The following CDH13 variants were observed in gnomAD, a reference collection of about 807,000 sequenced individuals.
CDH13 encodes the protein cadherin 13, also known as cadherin-13.
A neutral mutation model predicts 63.8 loss-of-function variants in CDH13; 24 were observed. That is an observed-to-expected ratio of 0.38 (90% CI 0.27 to 0.53). CDH13 has a LOEUF of 0.53. Ranked by LOEUF, CDH13 falls within the 20% of genes least tolerant of loss-of-function variation. CDH13 has a pLI of 0.85. For missense variants in CDH13, 1,049 were observed against 903.1 expected (o/e 1.16, Z -2.07); for synonymous variants, 503 against 355.3 (o/e 1.42, Z -4.67).
Position 83,794,963 on chromosome 16 carries a change from T to G in CDH13, c.2135-60T>G, listed in dbSNP as rs923018177. 4 of 1,522,740 alleles carry G rather than the reference T, an allele frequency of 2.6e-6. No individual in the cohort carries two copies. The East Asian group carries it at 7.0e-5, about 27-fold the overall frequency. 94.3% of individuals were successfully genotyped at this position (1,522,740 alleles called of 1,614,324 possible). On this transcript the variant is annotated intron_variant, in intron 13 of 13. Transcript: ENST00000567109. Reference sequence around the variant, plus strand: ...GCCTGTCATTTTTCTGGCTTTTAGCTAAAATGTTTTGAATTGAGTGGTGAT... The same window carrying G: ...GCCTGTCATTTTTCTGGCTTTTAGCGAAAATGTTTTGAATTGAGTGGTGAT...
chr16:82,997,167 A>T (rs1310363914), intron 2 of CDH13, among the ~76,000 whole-genome samples: 1 of 151,678 alleles, frequency 6.6e-6, no homozygotes, highest in East Asian at 1.9e-4. Context: ...GATGATAGTG[A>T]TGGTGATGAT....
chr16:82,886,702 C>G (rs1362111383), intron 2 of CDH13, among the ~76,000 whole-genome samples: 2 of 151,998 alleles, frequency 1.3e-5, no homozygotes, highest in Non-Finnish European at 2.9e-5. Flanking sequence ...TGTTCTAAGC[C>G]TTTTTCTGTG....
intron 2 of CDH13, among the ~76,000 whole-genome samples, chr16:82,882,259 C>G (rs1359620602): frequency 6.6e-6 from 1 of 152,124 alleles, no homozygotes; most frequent in Non-Finnish European, 1.5e-5. Context: ...TAGAGTGTTA[C>G]TAGGCAGGGT....
intron 8 of CDH13, among the ~76,000 whole-genome samples, chr16:83,605,708 T>C (rs1404017325): frequency 3.3e-5 from 5 of 152,270 alleles, no homozygotes; most frequent in Admixed American, 1.3e-4. Context: ...AAGATTGTGA[T>C]GAGAAAGATA....
intron 7 of CDH13, among the ~76,000 whole-genome samples, chr16:83,515,271 T>C (rs1367050527): frequency 6.6e-6 from 1 of 152,214 alleles, no homozygotes; most frequent in Non-Finnish European, 1.5e-5. Flanking sequence ...TTGATTAGAA[T>C]TCTAGAAGCT....
intron 6 of CDH13, among the ~76,000 whole-genome samples, chr16:83,350,647 T>G (rs1597808141): frequency 6.6e-6 from 1 of 152,180 alleles, no homozygotes; most frequent in Admixed American, 6.5e-5. Context: ...ACCTGGCAGG[T>G]GCTGCTTGTT....
At chr16:83,237,440 T>C (rs1473652723) in intron 5 of CDH13, among the ~76,000 whole-genome samples, 1 of 152,240 alleles carries the variant, frequency 6.6e-6, no homozygotes, top group African/African-American at 2.4e-5. Flanking sequence ...CTCTCTGCAA[T>C]GATAGAAGTG....
intron 1 of CDH13, among the ~76,000 whole-genome samples, chr16:82,669,053 A>T (rs1260551087): frequency 1.3e-5 from 2 of 152,164 alleles, no homozygotes; most frequent in African/African-American, 2.4e-5. Context: ...AATTAGCGGG[A>T]TCCACAAGCC....
intron 3 of CDH13, among the ~76,000 whole-genome samples, chr16:83,114,788 A>G (rs1330960006): frequency 6.6e-6 from 1 of 152,192 alleles, no homozygotes; most frequent in Non-Finnish European, 1.5e-5. Context: ...CAATGAAGCA[A>G]ACTTTAAATG....
chr16:83,077,951 C>A (rs1597286427), intron 3 of CDH13, among the ~76,000 whole-genome samples: 2 of 152,190 alleles, frequency 1.3e-5, no homozygotes, highest in East Asian at 3.9e-4. Flanking sequence ...CCCTAACTAC[C>A]CATATGTATG....
chr16:82,977,904 C>G (rs1274234523), intron 2 of CDH13, among the ~76,000 whole-genome samples: 2 of 152,160 alleles, frequency 1.3e-5, no homozygotes, highest in African/African-American at 4.8e-5. Flanking sequence ...TTAGAACTTC[C>G]TAGAGATTTG....
intron 4 of CDH13, among the ~76,000 whole-genome samples, chr16:83,169,782 C>G (rs889841518): frequency 6.6e-6 from 1 of 152,020 alleles, no homozygotes; most frequent in Non-Finnish European, 1.5e-5. Flanking sequence ...ATTTTTAAAT[C>G]TTTAGACAGA....
At chr16:83,209,396 A>G (rs2151776312) in intron 4 of CDH13, among the ~76,000 whole-genome samples, 1 of 152,282 alleles carries the variant, frequency 6.6e-6, no homozygotes, top group Middle Eastern at 3.4e-3. Flanking sequence ...TGCATCCTCC[A>G]CACAGAGTCA....
chr16:83,568,849 C>G (rs1904320299), intron 7 of CDH13, among the ~76,000 whole-genome samples: 1 of 152,170 alleles, frequency 6.6e-6, no homozygotes, highest in Non-Finnish European at 1.5e-5. Context: ...TTTGAGGCCT[C>G]TGTCCACTTC....
chr16:83,512,399 G>A (rs1736848471), intron 7 of CDH13, among the ~76,000 whole-genome samples: 1 of 149,990 alleles, frequency 6.7e-6, no homozygotes, highest in South Asian at 2.1e-4. Flanking sequence ...GGCTGGGCGT[G>A]GTGGCTCATG....
intron 1 of CDH13, among the ~76,000 whole-genome samples, chr16:82,793,285 C>A (rs1201793182): frequency 6.6e-6 from 1 of 151,106 alleles, no homozygotes; most frequent in Non-Finnish European, 1.5e-5. Context: ...TGGATCTGAG[C>A]GAGATGGGGA....
At chr16:82,861,078 C>G (rs144799674) in intron 2 of CDH13, among the ~76,000 whole-genome samples, 1 of 152,072 alleles carries the variant, frequency 6.6e-6, no homozygotes, top group Non-Finnish European at 1.5e-5. Context: ...GAATGAAAAA[C>G]GAAAAGAACC....
At chr16:82,798,556 A>G (rs548899231) in intron 1 of CDH13, among the ~76,000 whole-genome samples, 1 of 152,298 alleles carries the variant, frequency 6.6e-6, no homozygotes, top group South Asian at 2.1e-4. Context: ...AATACAGGTT[A>G]ACTGTCTTAA....
intron 4 of CDH13, among the ~76,000 whole-genome samples, chr16:83,192,570 A>G (rs570818829): frequency 9.2e-5 from 14 of 152,332 alleles, no homozygotes; most frequent in African/African-American, 3.4e-4. Flanking sequence ...GTAAATCCAG[A>G]GGCTATAAAC....
Sources: allele counts gnomAD v4.1 joint callset (sites outside exome capture counted in the v4.1 genomes callset), GRCh38; gene constraint gnomAD v4.1.1; transcripts MANE v1.5; gene names NCBI Gene and HGNC (gene_info 2026-07-23, HGNC 2026-07-21).